The following CYP46A1 variants were observed in gnomAD, a reference collection of about 807,000 sequenced individuals.
CYP46A1 encodes the protein cytochrome P450 family 46 subfamily A member 1, also known as cholesterol 24-hydroxylase.
In CYP46A1, 20 loss-of-function variants were observed where a neutral mutation model predicts 63.3. That is an observed-to-expected ratio of 0.32 (90% confidence interval 0.22 to 0.46). The LOEUF (loss-of-function observed/expected upper bound fraction) is 0.46. Among genes scored for constraint, CYP46A1 ranks in the 20% least tolerant of loss-of-function variants. CYP46A1 has a pLI of 1.00. For missense variants in CYP46A1, 445 were observed against 670.8 expected, an observed-to-expected ratio of 0.66 and a Z score of 3.72; for synonymous variants, 268 against 273.6, an observed-to-expected ratio of 0.98 and a Z score of 0.20.
At chr14:99,718,857 A>G (rs1288133915) in intron 10 of CYP46A1, among the ~76,000 whole-genome samples, 2 of 152,130 alleles carry the variant, frequency 1.3e-5, no homozygotes, top group Non-Finnish European at 2.9e-5. Context: ...TGTAATAAGC[A>G]TTTCGTATAA....
chr14:99,687,741 G>T (rs2056506972), intron 1 of CYP46A1, among the ~76,000 whole-genome samples: 1 of 152,180 alleles, frequency 6.6e-6, no homozygotes, highest in African/African-American at 2.4e-5. Context: ...GAAACTGGAT[G>T]TGCTGGAGAG....
intron 7 of CYP46A1, among the ~76,000 whole-genome samples, chr14:99,713,897 T>G (rs1473554663): frequency 7.1e-6 from 1 of 141,396 alleles, no homozygotes. Context: ...AAAAGACGTG[T>G]GACTATATTA....
chr14:99,712,656 CAAATG>C lies in CYP46A1; in HGVS notation c.694-3150_694-3146del, dbSNP rs1357785358. The stretch of plus-strand genomic sequence containing the variant: ...TGAAAGAAATTGAAGAAGACACAAA[CAAATG>C]AAAAAACATCCCATGCTCATGGATC... On this transcript the variant is annotated intron_variant, in intron 7 of 14. Transcript: ENST00000261835. 4 of 152,152 alleles carry C rather than the reference CAAATG, an allele frequency of 2.6e-5. No individual in the cohort carries two copies. In the East Asian group the frequency reaches 7.7e-4, roughly 29 times the overall value. The allele number at this position is 152,152 out of a possible 1,614,324, so 9.4% of individuals were successfully genotyped here.
chr14:99,724,648 A>G (rs2056878804), intron 12 of CYP46A1, among the ~76,000 whole-genome samples: 1 of 152,104 alleles, frequency 6.6e-6, no homozygotes, highest in East Asian at 1.9e-4. Context: ...CATCAGTAGG[A>G]TGACGTACAT....
chr14:99,694,685 G>A (rs1566826945), intron 3 of CYP46A1, among the ~76,000 whole-genome samples: 1 of 151,990 alleles, frequency 6.6e-6, no homozygotes, highest in Non-Finnish European at 1.5e-5. Flanking sequence ...TTTTTTGGTA[G>A]AGACAGGGTT....
chr14:99,724,604 G>A (rs948116934), intron 12 of CYP46A1, among the ~76,000 whole-genome samples: 9 of 152,028 alleles, frequency 5.9e-5, no homozygotes, highest in South Asian at 2.1e-4. Context: ...TCAGGCCTTC[G>A]GCTTCCTCTT....
chr14:99,688,000 T>A (rs1484272830), intron 1 of CYP46A1, among the ~76,000 whole-genome samples: 4 of 151,816 alleles, frequency 2.6e-5, no homozygotes, highest in Admixed American at 2.0e-4. Flanking sequence ...TTCCCCTTTC[T>A]TGGTGGGCCA....
chr14:99,722,845 G>T lies in CYP46A1; in HGVS notation c.1176+779G>T. On this transcript the variant is annotated intron_variant, in intron 12 of 14. Coordinates refer to ENST00000261835, the MANE Select transcript of CYP46A1 (RefSeq NM_006668.2). The surrounding 1 kb of genome is among the most constrained non-coding windows in gnomAD (Gnocchi z 4.6). ...GAGGTGTCCAGTTTGTCCCTATCTCGAGCACCACAGCAACGATGCCATTTC... is the reference window on the plus strand; with the variant it reads ...GAGGTGTCCAGTTTGTCCCTATCTCTAGCACCACAGCAACGATGCCATTTC... 2.3e-6 allele frequency: 1 copy of T among 437,004 alleles called. No individual in the cohort carries two copies. Among genetic ancestry groups the T allele is most frequent in the South Asian group, 1.6e-5 (1 of 63,106 alleles). 27.1% of individuals were successfully genotyped at this position (437,004 alleles called of 1,614,324 possible). A position where few individuals can be genotyped will look rare whatever the true frequency, so the allele number is the denominator to read the frequency against.
In CYP46A1 at chr14:99,725,482, A is replaced by G. The variant is rs760568206; in HGVS notation, c.1265+3A>G. On this transcript the variant is annotated splice_donor_region_variant and intron_variant, in intron 13 of 14. Coordinates refer to ENST00000261835, the MANE Select transcript of CYP46A1 (RefSeq NM_006668.2). The surrounding 1 kb of genome is among the most constrained non-coding windows in gnomAD (Gnocchi z 4.2). Reference sequence around the variant, plus strand: ...CGCTTCGGCCCTGGAGCACCCAAGTAAGTCCCTCCTGGAGCTGCCCATGAG... The same window carrying G: ...CGCTTCGGCCCTGGAGCACCCAAGTGAGTCCCTCCTGGAGCTGCCCATGAG... 1 of 1,612,032 alleles carries G rather than the reference A, an allele frequency of 6.2e-7. No individual in the cohort carries two copies. Among genetic ancestry groups the G allele is most frequent in the Non-Finnish European group, 8.5e-7 (1 of 1,178,086 alleles).
intron 11 of CYP46A1, among the ~76,000 whole-genome samples, chr14:99,721,753 T>G (rs2056848586): frequency 6.6e-6 from 1 of 152,000 alleles, no homozygotes; most frequent in Admixed American, 6.6e-5. Flanking sequence ...CCTTGCACAC[T>G]CCCTTCTCCT....
At chr14:99,721,443 C>T (rs906301138) in intron 11 of CYP46A1, 120 bp downstream of exon 11, 36 of 728,522 alleles carry the variant, frequency 4.9e-5, no homozygotes, top group Admixed American at 1.3e-4. Context: ...GGTCCTCCCC[C>T]GGAAGATTTA....
chr14:99,691,662 G>T, intron 2 of CYP46A1, 118 bp from the exon 3 acceptor site: 4 of 913,532 alleles, frequency 4.4e-6, no homozygotes, highest in African/African-American at 1.6e-5. Context: ...GCACTCTTTT[G>T]GTAGCATGCA....
intron 3 of CYP46A1, chr14:99,693,010 C>T (rs1460303863): frequency 6.6e-6 from 1 of 152,630 alleles, no homozygotes; most frequent in Non-Finnish European, 1.5e-5. Flanking sequence ...CATTCTGGGC[C>T]TCCATTTCCT....
At chr14:99,726,040 G>T (rs535490344) in intron 13 of CYP46A1, 150 bp from the exon 14 acceptor site, 2 of 683,672 alleles carry the variant, frequency 2.9e-6, no homozygotes, top group South Asian at 3.5e-5. Flanking sequence ...CCTCGGCAGA[G>T]TCAGCGGTTC....
At chr14:99,697,641 T>C (rs1482101423) in intron 3 of CYP46A1, among the ~76,000 whole-genome samples, 2 of 152,240 alleles carry the variant, frequency 1.3e-5, no homozygotes, top group Non-Finnish European at 2.9e-5. Context: ...TGGTTGTTTA[T>C]GGCACAAGGG....
rs773194715 is a variant in CYP46A1, at chr14:99,715,939, A to G, written c.823A>G (p.Ile275Val). The change falls in exon 8 of 15, where the codon ATC (isoleucine) becomes GTC (valine). Residue 275 changes from isoleucine (I) to valine (V), a missense_variant. Transcript: ENST00000261835. ...GAGGGGCGAGGAGGTTCCTGCCGACATCCTCACACAGATTCTGAAAGGTGC... is the reference window on the plus strand; with the variant it reads ...GAGGGGCGAGGAGGTTCCTGCCGACGTCCTCACACAGATTCTGAAAGGTGC... The part of the protein sequence containing the change: ...LKRGEEVPAD[I>V]LTQILKAEEG... 1.2e-6 allele frequency: 2 copies of G among 1,608,950 alleles called. No homozygotes were observed. The highest frequency in any genetic ancestry group is 4.5e-5 in the East Asian group (2 of 44,700).
chr14:99,685,094 CCCCA>C (rs200372192), intron 1 of CYP46A1, among the ~76,000 whole-genome samples: 3,478 of 41,100 alleles, frequency 0.085, 439 homozygotes, highest in African/African-American at 0.19. Context: ...GCCAACCCCC[CCCCA>C]CCCCCAGCTT....
intron 3 of CYP46A1, chr14:99,695,604 T>A (rs2056580494): frequency 7.0e-6 from 1 of 141,846 alleles, no homozygotes; most frequent in Non-Finnish European, 1.5e-5. Flanking sequence ...CCATTCCAGC[T>A]TTATTATTAT....
chr14:99,689,109 G>C (rs952167299), intron 1 of CYP46A1, among the ~76,000 whole-genome samples: 4 of 152,118 alleles, frequency 2.6e-5, no homozygotes, highest in African/African-American at 9.7e-5. Flanking sequence ...CTTCTCTGCT[G>C]TGGGCTCTCA....
Sources: gnomAD v4.1 joint callset for allele counts (sites outside exome capture counted in the v4.1 genomes callset) on GRCh38, gnomAD v4.1.1 for gene constraint, Gnocchi (gnomAD v3.1) non-coding constraint, MANE v1.5 for transcripts, NCBI Gene and HGNC (gene_info 2026-07-23, HGNC 2026-07-21) for gene names.